Variants in AMBRA1 observed in about 807,000 individuals in gnomAD.
AMBRA1 encodes the protein activating molecule in BECN1-regulated autophagy protein 1.
AMBRA1 carries 47 observed loss-of-function variants against 125.4 expected under a neutral mutation model. The observed-to-expected ratio is 0.37, with a 90% CI of 0.30 to 0.48. AMBRA1 has a LOEUF of 0.48. AMBRA1 is among the 20% of genes least tolerant of loss of function. The pLI is 0.99. For synonymous variants in AMBRA1, 626 were observed against 655.5 expected (o/e 0.95, Z 0.69); for missense variants, 1,331 against 1,693.4 (o/e 0.79, Z 3.76).
Position 46,542,865 on chromosome 11 carries a change from G to A in AMBRA1, c.1152C>T (p.Arg384=). The A allele has an allele frequency of 6.2e-7, 1 of 1,613,558 alleles. No individual in the cohort carries two copies. ...VQSSTAGNTL[R]NLSLGPTRRS... ...GGCGGGTAGGACCCAGACTGAGGTT[G>A]CGGAGCGTGTTGCCGGCAGTGCTGC... Residue 384 remains arginine (R), a synonymous_variant, in exon 7 of 18, where the codon CGC becomes CGT. Transcript: ENST00000683756. The surrounding 1 kb of genome is among the most constrained non-coding windows in gnomAD (Gnocchi z 5.9).
At chr11:46,450,922 C>A (rs888601929) in intron 11 of AMBRA1, among the ~76,000 whole-genome samples, 10 of 152,270 alleles carry the variant, frequency 6.6e-5, no homozygotes, top group African/African-American at 2.4e-4. Context: ...GCAAATGTAC[C>A]ACACTGGTGT....
intron 7 of AMBRA1, among the ~76,000 whole-genome samples, chr11:46,517,986 T>C (rs1951578959): frequency 1.3e-5 from 2 of 151,948 alleles, no homozygotes; most frequent in African/African-American, 4.8e-5. Flanking sequence ...AATGTTAACA[T>C]TTAGGGAATG....
intron 7 of AMBRA1, among the ~76,000 whole-genome samples, chr11:46,523,438 C>T (rs936697095): frequency 1.2e-4 from 18 of 152,174 alleles, no homozygotes; most frequent in African/African-American, 4.3e-4. Flanking sequence ...TCTCCTCCCC[C>T]GTTCCCAAAA....
intron 7 of AMBRA1, among the ~76,000 whole-genome samples, chr11:46,527,029 G>A (rs960579376): frequency 1.3e-5 from 2 of 152,208 alleles, no homozygotes; most frequent in Non-Finnish European, 2.9e-5. Context: ...GTATTAGTCA[G>A]AAGGGTCAAT....
chr11:46,488,500 A>T (rs7129348), intron 11 of AMBRA1, among the ~76,000 whole-genome samples: 6,987 of 152,138 alleles, frequency 0.046, 552 homozygotes, highest in African/African-American at 0.16. Context: ...AAAAATACAC[A>T]ATTCAATAAT....
chr11:46,408,020 T>C (rs1380132993), intron 17 of AMBRA1, among the ~76,000 whole-genome samples: 2 of 151,818 alleles, frequency 1.3e-5, no homozygotes, highest in Middle Eastern at 3.4e-3. Flanking sequence ...ACACCTGAAA[T>C]AGGTGAGAGG....
intron 9 of AMBRA1, among the ~76,000 whole-genome samples, chr11:46,502,369 C>A (rs940784018): frequency 1.3e-5 from 2 of 152,214 alleles, no homozygotes; most frequent in Non-Finnish European, 2.9e-5. Context: ...GTTTCCTCAG[C>A]ATTTCTCTTG....
intron 11 of AMBRA1, among the ~76,000 whole-genome samples, chr11:46,463,811 G>A (rs1209397043): frequency 2.6e-5 from 4 of 152,164 alleles, no homozygotes; most frequent in African/African-American, 7.2e-5. Context: ...AAACAAAGCC[G>A]GGGTGGGCGG....
At chr11:46,566,552 CAA>C in intron 1 of AMBRA1, among the ~76,000 whole-genome samples, 1 of 151,972 alleles carries the variant, frequency 6.6e-6, no homozygotes, top group East Asian at 1.9e-4. Context: ...CTTAAAATGA[CAA>C]AGAGAGACAT....
intron 11 of AMBRA1, among the ~76,000 whole-genome samples, chr11:46,473,054 T>C (rs1949667443): frequency 6.6e-6 from 1 of 152,248 alleles, no homozygotes; most frequent in Admixed American, 6.5e-5. Context: ...ACAAGAGTGC[T>C]AGATCATGTT....
intron 17 of AMBRA1, among the ~76,000 whole-genome samples, chr11:46,400,298 T>C (rs1945677070): frequency 6.6e-6 from 1 of 151,952 alleles, no homozygotes; most frequent in African/African-American, 2.4e-5. Context: ...GCAGCTATTT[T>C]TATGAGACTT....
At chr11:46,515,691 T>C (rs1951447658) in intron 7 of AMBRA1, among the ~76,000 whole-genome samples, 1 of 152,136 alleles carries the variant, frequency 6.6e-6, no homozygotes. Flanking sequence ...TTTTTTATTT[T>C]TTGAGACGCA....
intron 7 of AMBRA1, among the ~76,000 whole-genome samples, chr11:46,522,320 G>C (rs1722269462): frequency 6.6e-6 from 1 of 152,156 alleles, no homozygotes; most frequent in Non-Finnish European, 1.5e-5. Context: ...TGTAAGACTT[G>C]AATGTATAAT....
rs1194653219 is a variant in AMBRA1, at chr11:46,583,667, A to C, written c.-121+10161T>G. Among the ~76,000 whole-genome samples the C allele has an allele frequency of 5.5e-5, 8 of 146,080 alleles. 1 individual carries two copies. The highest frequency in any genetic ancestry group is 1.1e-4 in the Non-Finnish European group (7 of 66,230). On this transcript the variant is annotated intron_variant, in intron 1 of 17. Coordinates refer to ENST00000683756, the MANE Select transcript of AMBRA1 (RefSeq NM_001387011.1). ...AACAAATTTCCAAAAAAAAAAAAAA[A>C]AAAAAAAAAAAACAACAAAACAACC...
At chr11:46,472,612 T>C (rs1244612207) in intron 11 of AMBRA1, among the ~76,000 whole-genome samples, 2 of 152,166 alleles carry the variant, frequency 1.3e-5, no homozygotes, top group African/African-American at 4.8e-5. Context: ...CTAGTTTATT[T>C]TCTAAAACAC....
At chr11:46,419,988 T>G (rs1035649150) in intron 14 of AMBRA1, among the ~76,000 whole-genome samples, 12 of 1,350 alleles carry the variant, frequency 8.9e-3, no homozygotes, top group African/African-American at 0.013. Context: ...GCAGCACGTG[T>G]CCTCAATACA....
At chr11:46,431,397 A>G (rs1947452653) in intron 14 of AMBRA1, among the ~76,000 whole-genome samples, 1 of 152,244 alleles carries the variant, frequency 6.6e-6, no homozygotes, top group South Asian at 2.1e-4. Flanking sequence ...CTGGATTACC[A>G]CATCTCCTCA....
At chr11:46,453,394 T>TA (rs2136800137) in intron 11 of AMBRA1, among the ~76,000 whole-genome samples, 2 of 152,214 alleles carry the variant, frequency 1.3e-5, no homozygotes, top group South Asian at 4.1e-4. Context: ...GCATCCCTAG[T>TA]AGCTGGGATT....
intron 11 of AMBRA1, among the ~76,000 whole-genome samples, chr11:46,463,343 C>G (rs913476490): frequency 6.6e-6 from 1 of 152,196 alleles, no homozygotes; most frequent in African/African-American, 2.4e-5. Flanking sequence ...GTAGGTGCCT[C>G]TGATAGCAAG....
Sources: allele counts gnomAD v4.1 joint callset (sites outside exome capture counted in the v4.1 genomes callset), GRCh38; gene constraint gnomAD v4.1.1; non-coding constraint Gnocchi (gnomAD v3.1); transcripts MANE v1.5; gene names NCBI Gene and HGNC (gene_info 2026-07-23, HGNC 2026-07-21).